Variants in SOS1 observed in about 807,000 individuals in gnomAD.
The protein encoded by SOS1 is son of sevenless homolog 1.
In SOS1, 25 loss-of-function variants were observed where a neutral mutation model predicts 157.6. The observed-to-expected ratio is 0.16, with a 90% CI of 0.12 to 0.22. The LOEUF (loss-of-function observed/expected upper bound fraction) is 0.22. SOS1 is among the 10% of genes least tolerant of loss of function. The pLI, the probability that SOS1 is intolerant of heterozygous loss-of-function variation, is 1.00. For missense variants in SOS1, 1,237 were observed against 1,599.1 expected (o/e 0.77, Z 3.86); for synonymous variants, 528 against 534.0 (o/e 0.99, Z 0.16).
intron 15 of SOS1, among the ~76,000 whole-genome samples, chr2:39,008,612 G>C (rs1339302374): frequency 1.3e-5 from 2 of 152,134 alleles, no homozygotes; most frequent in Non-Finnish European, 2.9e-5. Context: ...AGCCCTCCTG[G>C]GGTCAGAACA....
intron 16 of SOS1, 72 bp downstream of exon 16, chr2:39,006,956 GATA>G (rs1458310217): frequency 9.4e-6 from 9 of 959,976 alleles, no homozygotes; most frequent in Non-Finnish European, 1.5e-5. Flanking sequence ...AAAAATTAAA[GATA>G]ATAATTGTTA....
At chr2:39,077,705 C>CAGT (rs1156608215) in intron 1 of SOS1, among the ~76,000 whole-genome samples, 2 of 151,978 alleles carry the variant, frequency 1.3e-5, no homozygotes, top group African/African-American at 4.8e-5. Flanking sequence ...AAACAAGAGC[C>CAGT]AGTAGTATAG....
chr2:39,121,122 C>CGAGA (rs910728422), upstream of SOS1: 1 of 153,704 alleles, frequency 6.5e-6, no homozygotes, highest in African/African-American at 2.4e-5. Context: ...GAGGAAAGCT[C>CGAGA]GAGAGAGAAA....
chr2:38,985,168 C>T lies in SOS1; in HGVS notation c.*656G>A, dbSNP rs1668515178. The T allele has an allele frequency of 6.6e-6, 1 of 152,504 alleles. No individual in the cohort carries two copies. The highest frequency in any genetic ancestry group is 2.4e-5 in the African/African-American group (1 of 41,398). 9.4% of individuals were successfully genotyped at this position (152,504 alleles called of 1,614,324 possible). Reference sequence around the variant, plus strand: ...TGTGGGGACAGGTGGGGGGAATGCTCTTAAAATTGGTACAATTATTCCTAA... The same window carrying T: ...TGTGGGGACAGGTGGGGGGAATGCTTTTAAAATTGGTACAATTATTCCTAA... On this transcript the variant is annotated 3_prime_UTR_variant, in exon 23 of 23. Transcript: ENST00000402219.
intron 6 of SOS1, among the ~76,000 whole-genome samples, chr2:39,049,352 ATGAGT>A (rs1670917859): frequency 6.6e-6 from 1 of 152,156 alleles, no homozygotes; most frequent in African/African-American, 2.4e-5. Flanking sequence ...GTTATACTAC[ATGAGT>A]TATTTCAATG....
At chr2:39,096,058 T>A (rs573602117) in intron 1 of SOS1, among the ~76,000 whole-genome samples, 2 of 152,214 alleles carry the variant, frequency 1.3e-5, no homozygotes, top group African/African-American at 4.8e-5. Context: ...CAAACCTTGA[T>A]TGACTACTAA....
chr2:39,075,912 A>C (rs1456729555), intron 1 of SOS1, among the ~76,000 whole-genome samples: 1 of 152,178 alleles, frequency 6.6e-6, no homozygotes, highest in African/African-American at 2.4e-5. Context: ...GAAATAAAAC[A>C]TTTCTAATGG....
chr2:39,100,598 T>C (rs996645737), intron 1 of SOS1, among the ~76,000 whole-genome samples: 6 of 152,076 alleles, frequency 3.9e-5, no homozygotes, highest in Admixed American at 3.3e-4. Context: ...TATATGGAAA[T>C]CTGCAAAAAG....
intron 1 of SOS1, among the ~76,000 whole-genome samples, chr2:39,106,382 A>T (rs1343807742): frequency 6.6e-6 from 1 of 151,862 alleles, no homozygotes; most frequent in Non-Finnish European, 1.5e-5. Flanking sequence ...CGAGGTCAGG[A>T]GATCGAGACC....
At position 39,041,822 on chromosome 2, in the gene SOS1, A is replaced by C. The variant is rs535998019; in HGVS notation, c.865-6322T>G. Among the ~76,000 whole-genome samples, 16 of 152,242 alleles carry C rather than the reference A, an allele frequency of 1.1e-4. No homozygotes were observed. The East Asian group carries it at 2.1e-3, about 20-fold the overall frequency. ...TGTGTTAACAAACCTTCCTATGTCA[A>C]AGTCATAAATATGTTCTCCTATATT... is the stretch of plus-strand genomic sequence containing the variant. On this transcript the variant is annotated intron_variant, in intron 6 of 22. Transcript: ENST00000402219.
upstream of SOS1, among the ~76,000 whole-genome samples, chr2:39,121,205 G>A (rs57378308): frequency 0.15 from 22,618 of 152,136 alleles, 2,611 homozygotes; most frequent in African/African-American, 0.31. Context: ...GAGGGGCGAA[G>A]GGGCCCGAGA....
chr2:38,985,753 GCA>G lies in SOS1; in HGVS notation c.*69_*70del. ...TTCTCATTTTAACTCCTCAGTGCTGGCACATTCAGTGCATCCATTGCCAGCAA... is the reference window on the plus strand; with the variant it reads ...TTCTCATTTTAACTCCTCAGTGCTGGCATTCAGTGCATCCATTGCCAGCAA... On this transcript the variant is annotated 3_prime_UTR_variant, in exon 23 of 23. Coordinates refer to ENST00000402219, the MANE Select transcript of SOS1 (RefSeq NM_005633.4). 1.3e-6 allele frequency: 2 copies of G among 1,570,682 alleles called. No homozygotes were observed. Among genetic ancestry groups the G allele is most frequent in the Non-Finnish European group, 1.8e-6 (2 of 1,142,648 alleles).
At chr2:39,043,249 C>G (rs767379898) in intron 6 of SOS1, among the ~76,000 whole-genome samples, 2 of 152,080 alleles carry the variant, frequency 1.3e-5, no homozygotes, top group African/African-American at 2.4e-5. Context: ...TTTTAACCTA[C>G]TAAAGTAGAA....
At chr2:39,096,469 A>G (rs1198678635) in intron 1 of SOS1, among the ~76,000 whole-genome samples, 1 of 152,226 alleles carries the variant, frequency 6.6e-6, no homozygotes, top group Non-Finnish European at 1.5e-5. Flanking sequence ...ATATTCATGT[A>G]TTACTTTGGT....
chr2:39,080,019 G>T (rs189590655), intron 1 of SOS1, among the ~76,000 whole-genome samples: 1 of 151,920 alleles, frequency 6.6e-6, no homozygotes, highest in Non-Finnish European at 1.5e-5. Context: ...CCACAGACTC[G>T]GGTGGGGAGG....
At position 39,067,730 on chromosome 2, in the gene SOS1, A is replaced by G. The variant is rs1572867533; in HGVS notation, c.111T>C (p.Thr37=). The part of the protein sequence containing the change: ...LKKVQGQVHP[T]LESNDDALQY... ...GAAGAGCATCATCATTAGACTCGAG[A>G]GTAGGATGAACTTGCCCCTGGACCT... The change falls in exon 2 of 23, where the codon ACT becomes ACC. Residue 37 remains threonine, a synonymous_variant. Transcript: ENST00000402219. The G allele has an allele frequency of 6.2e-7, 1 of 1,612,822 alleles. No individual in the cohort carries two copies. Among genetic ancestry groups the G allele is most frequent in the East Asian group, 2.2e-5 (1 of 44,858 alleles).
intron 22 of SOS1, among the ~76,000 whole-genome samples, chr2:38,986,670 T>A (rs906652860): frequency 1.3e-5 from 2 of 152,032 alleles, no homozygotes; most frequent in African/African-American, 4.8e-5. Context: ...TCTTGCTCTG[T>A]TGCCAAGGCT....
intron 6 of SOS1, among the ~76,000 whole-genome samples, chr2:39,035,742 G>C (rs1572841662): frequency 6.6e-6 from 1 of 152,124 alleles, no homozygotes; most frequent in East Asian, 1.9e-4. Flanking sequence ...TCTCATTAAA[G>C]GTTTCCAGTA....
At chr2:39,061,430 C>T (rs1255409096) in intron 2 of SOS1, among the ~76,000 whole-genome samples, 1 of 152,048 alleles carries the variant, frequency 6.6e-6, no homozygotes. Context: ...ATCTATCACC[C>T]GAGCTGGAGT....
Sources: gnomAD v4.1 joint callset for allele counts (sites outside exome capture counted in the v4.1 genomes callset) on GRCh38, gnomAD v4.1.1 for gene constraint, MANE v1.5 for transcripts, NCBI Gene and HGNC (gene_info 2026-07-23, HGNC 2026-07-21) for gene names.